PACRG: variants seen among roughly 807,000 people sequenced by gnomAD.
PACRG encodes the protein parkin coregulated gene protein.
A neutral mutation model predicts 29.7 loss-of-function variants in PACRG; 29 were observed. That is an observed-to-expected ratio of 0.98 (90% CI 0.73 to 1.33). The LOEUF (loss-of-function observed/expected upper bound fraction) is 1.33, where lower values mean the gene tolerates loss of function less well. Ranked by LOEUF, PACRG falls within the 40% of genes most tolerant of loss-of-function variation. The pLI, the probability that PACRG is intolerant of heterozygous loss-of-function variation, is 0.00. For synonymous variants in PACRG, 116 were observed against 118.7 expected (o/e 0.98, Z 0.15); for missense variants, 279 against 316.2 (o/e 0.88, Z 0.89).
At chr6:162,801,234 G>T (rs6913341) in intron 1 of PACRG, among the ~76,000 whole-genome samples, 2 of 151,796 alleles carry the variant, frequency 1.3e-5, no homozygotes, top group African/African-American at 2.4e-5. Flanking sequence ...TCAGCCTCCC[G>T]AGTAGCTGGG....
chr6:162,813,803 TAA>T (rs1348895325), intron 1 of PACRG, among the ~76,000 whole-genome samples: 1 of 152,152 alleles, frequency 6.6e-6, no homozygotes, highest in Non-Finnish European at 1.5e-5. Flanking sequence ...TTTGAAATTG[TAA>T]AAGTTTTAAC....
intron 2 of PACRG, among the ~76,000 whole-genome samples, chr6:162,849,526 C>T (rs1790687893): frequency 6.6e-6 from 1 of 152,198 alleles, no homozygotes; most frequent in African/African-American, 2.4e-5. Context: ...AAATGATAAC[C>T]AGCTGATATG....
intron 1 of PACRG, among the ~76,000 whole-genome samples, 194 bp from the exon 2 acceptor site, chr6:162,813,953 A>T (rs774076323): frequency 1.7e-4 from 26 of 152,324 alleles, no homozygotes; most frequent in Non-Finnish European, 3.4e-4. Flanking sequence ...TAGACTTTTA[A>T]TAGTGATTAT....
At chr6:163,296,688 TCG>T (rs1784789600) in intron 4 of PACRG, among the ~76,000 whole-genome samples, 1 of 152,208 alleles carries the variant, frequency 6.6e-6, no homozygotes, top group Non-Finnish European at 1.5e-5. Context: ...GACACACTAC[TCG>T]AGTAATGACT....
chr6:163,246,370 A>C (rs1210192027), intron 4 of PACRG, among the ~76,000 whole-genome samples: 1 of 152,070 alleles, frequency 6.6e-6, no homozygotes, highest in Non-Finnish European at 1.5e-5. Flanking sequence ...GGTTCTGCGC[A>C]TGGCTCCTTT....
At chr6:163,019,487 G>A (rs1030488672) in intron 2 of PACRG, among the ~76,000 whole-genome samples, 7 of 152,138 alleles carry the variant, frequency 4.6e-5, no homozygotes, top group African/African-American at 1.4e-4. Flanking sequence ...GTACTAGAAG[G>A]GAAATGGGGG....
intron 4 of PACRG, among the ~76,000 whole-genome samples, chr6:163,273,343 TG>T (rs1440624484): frequency 1.3e-5 from 2 of 152,172 alleles, no homozygotes; most frequent in South Asian, 2.1e-4. Context: ...AATCTTAAGG[TG>T]TTTTTTTGTT....
chr6:162,803,390 G>T (rs1584405695), intron 1 of PACRG, among the ~76,000 whole-genome samples: 1 of 152,132 alleles, frequency 6.6e-6, no homozygotes, highest in Non-Finnish European at 1.5e-5. Flanking sequence ...AAATGTCTTT[G>T]TGTAGTGTGT....
chr6:162,769,766 A>AG (rs201856061), intron 1 of PACRG, among the ~76,000 whole-genome samples: 1 of 80,112 alleles, frequency 1.2e-5, no homozygotes, highest in Non-Finnish European at 2.1e-5. Flanking sequence ...GAAGGTTAGC[A>AG]AAAAAAAAAA....
At position 162,958,985 on chromosome 6, in the gene PACRG, A is replaced by C. The variant is rs868464566; in HGVS notation, c.292-103165A>C. On this transcript the variant is annotated intron_variant, in intron 2 of 4. Coordinates refer to ENST00000366888, the MANE Select transcript of PACRG (RefSeq NM_001080379.2). ...CAGGCTGGAATGTAGTGGTGTGATC[A>C]TGGCTCCCTGAATCCTAGAACTCCT... Among the ~76,000 whole-genome samples, 6 of 145,968 alleles carry C rather than the reference A, an allele frequency of 4.1e-5. No homozygotes were observed. In the South Asian group the frequency reaches 1.3e-3, roughly 33 times the overall value.
chr6:163,193,950 T>A (rs1414935629), intron 4 of PACRG, among the ~76,000 whole-genome samples: 1 of 150,216 alleles, frequency 6.7e-6, no homozygotes, highest in East Asian at 2.0e-4. Flanking sequence ...TGGAGTGCAG[T>A]GCCGCGATCT....
At chr6:163,161,545 G>A (rs1024093862) in intron 4 of PACRG, among the ~76,000 whole-genome samples, 6 of 152,146 alleles carry the variant, frequency 3.9e-5, no homozygotes, top group African/African-American at 1.2e-4. Flanking sequence ...TCTTGCTATT[G>A]AGAACCATAT....
chr6:162,780,341 T>TATTA (rs1300521864), intron 1 of PACRG, among the ~76,000 whole-genome samples: 1 of 152,242 alleles, frequency 6.6e-6, no homozygotes. Flanking sequence ...AAGACTTTAA[T>TATTA]ATTTGGGCTC....
At chr6:163,313,384 T>G (rs1181967157) in intron 4 of PACRG, among the ~76,000 whole-genome samples, 1 of 152,096 alleles carries the variant, frequency 6.6e-6, no homozygotes, top group Non-Finnish European at 1.5e-5. Context: ...GGATAGAAAT[T>G]TATTGTGTGT....
intron 4 of PACRG, among the ~76,000 whole-genome samples, chr6:163,308,665 CAA>C (rs34275762): frequency 7.6e-5 from 10 of 131,408 alleles, no homozygotes; most frequent in African/African-American, 7.9e-5. Context: ...GGCTCCGTCT[CAA>C]AAAAAAAAAA....
intron 4 of PACRG, among the ~76,000 whole-genome samples, chr6:163,295,122 A>G (rs1301596065): frequency 6.6e-6 from 1 of 152,256 alleles, no homozygotes; most frequent in Admixed American, 6.5e-5. Flanking sequence ...AGGTCAAACC[A>G]CATGAAATTG....
At chr6:162,814,036 C>T in intron 1 of PACRG, 111 bp from the exon 2 acceptor site, 2 of 1,174,054 alleles carry the variant, frequency 1.7e-6, no homozygotes, top group Non-Finnish European at 1.1e-6. Context: ...GTGTTTTTAT[C>T]TTCCAACATA....
chr6:162,941,359 C>T (rs1798617963), intron 2 of PACRG, among the ~76,000 whole-genome samples: 1 of 152,280 alleles, frequency 6.6e-6, no homozygotes, highest in South Asian at 2.1e-4. Context: ...TTCCCTTCCA[C>T]GTGTGCCACA....
chr6:162,814,121 T>C, intron 1 of PACRG, 26 bp from the exon 2 acceptor site: 4 of 1,592,068 alleles, frequency 2.5e-6, no homozygotes, highest in Non-Finnish European at 3.4e-6. Flanking sequence ...TAAAACCTGA[T>C]CCCTATTTTT....
Sources: gnomAD v4.1 joint callset for allele counts (sites outside exome capture counted in the v4.1 genomes callset) on GRCh38, gnomAD v4.1.1 for gene constraint, MANE v1.5 for transcripts, NCBI Gene and HGNC (gene_info 2026-07-23, HGNC 2026-07-21) for gene names.